The following IDH2 variants were observed in gnomAD, a reference collection of about 807,000 sequenced individuals.
IDH2 encodes isocitrate dehydrogenase (NADP(+)) 2.
Under a neutral mutation model 50.5 loss-of-function variants are expected in IDH2, and 18 were observed. The ratio of observed to expected loss-of-function variants is 0.36; its 90% CI spans 0.25 to 0.53. IDH2 has a LOEUF of 0.53. Among genes scored for constraint, IDH2 ranks in the 20% least tolerant of loss-of-function variants. The pLI is 0.92. For missense variants in IDH2, 518 were observed against 610.7 expected (o/e 0.85, Z 1.60); for synonymous variants, 280 against 239.8 (o/e 1.17, Z -1.55).
chr15:90,090,706 G>T (rs1901012864), intron 2 of IDH2, 62 bp from the exon 3 acceptor site: 1 of 1,564,194 alleles, frequency 6.4e-7, no homozygotes, highest in Non-Finnish European at 8.8e-7. Context: ...ACAACAAAGG[G>T]CAGGATAAGA....
intron 7 of IDH2, 43 bp downstream of exon 7, chr15:90,087,068 AC>A: frequency 1.2e-6 from 2 of 1,608,662 alleles, no homozygotes; most frequent in South Asian, 2.2e-5. Flanking sequence ...GCCAGAGAAG[AC>A]CAACAGTCCA....
intron 1 of IDH2, among the ~76,000 whole-genome samples, chr15:90,092,832 C>T (rs1299929097): frequency 2.0e-5 from 3 of 152,178 alleles, no homozygotes; most frequent in Non-Finnish European, 2.9e-5. Flanking sequence ...CCTGCCTTGA[C>T]CCCCGCAAAG....
In IDH2 at chr15:90,092,111, C is replaced by T. The variant is rs190461195; in HGVS notation, c.116-467G>A. On this transcript the variant is annotated intron_variant, in intron 1 of 10. Transcript: ENST00000330062. ...GCAGGAAAGCAAGCTCAGGACCCCC[C>T]GATTGTACATTATGGTGAGCTATAT... Among the ~76,000 whole-genome samples, 456 of 152,216 alleles carry T rather than the reference C, an allele frequency of 3.0e-3. 7 individuals are homozygous for T. Among genetic ancestry groups the T allele is most frequent in the Non-Finnish European group, 3.5e-3 (240 of 68,022 alleles).
At chr15:90,087,302 G>A (rs747582161) in intron 6 of IDH2, 39 bp from the exon 7 acceptor site, 1 of 1,613,920 alleles carries the variant, frequency 6.2e-7, no homozygotes, top group Non-Finnish European at 8.5e-7. Context: ...GAGGGCAGAA[G>A]GCTGACAGGT....
chr15:90,094,494 T>C (rs941618932), intron 1 of IDH2, among the ~76,000 whole-genome samples: 3 of 152,208 alleles, frequency 2.0e-5, no homozygotes, highest in African/African-American at 7.2e-5. Flanking sequence ...CAGCCTCACT[T>C]ACAGCCCAAT....
intron 3 of IDH2, among the ~76,000 whole-genome samples, chr15:90,089,662 G>C (rs1320263910): frequency 6.6e-6 from 1 of 152,206 alleles, no homozygotes; most frequent in Admixed American, 6.5e-5. Context: ...GATGTATCTC[G>C]AGTACTTTCC....
chr15:90,091,746 A>C (rs1318419808), intron 1 of IDH2, 102 bp from the exon 2 acceptor site: 29 of 951,012 alleles, frequency 3.0e-5, no homozygotes, highest in Non-Finnish European at 4.8e-5. Flanking sequence ...AGTGGCAGAA[A>C]GCCAGGGCTC....
chr15:90,090,345 C>T (rs985142177), intron 3 of IDH2, 134 bp downstream of exon 3: 6 of 952,046 alleles, frequency 6.3e-6, no homozygotes, highest in Non-Finnish European at 8.0e-6. Flanking sequence ...CTCAGGAAAG[C>T]CCCAGCTCTG....
chr15:90,087,498 G>A lies in IDH2; in HGVS notation c.756C>T (p.Asn252=), dbSNP rs752310010. Residue 252 remains asparagine, a synonymous_variant, in exon 6 of 11, where the codon AAC becomes AAT. Transcript: ENST00000330062. ...KKWPLYMSTK[N]TILKAYDGRF... ...GCCCATCGTAGGCTTTCAGTATGGT[G>A]TTCTTGGTGCTCATGTACAGCGGCC... 3.0e-5 allele frequency: 49 copies of A among 1,614,072 alleles called. No individual in the cohort carries two copies. The South Asian group carries it at 5.3e-4, about 17-fold the overall frequency.
Position 90,098,103 on chromosome 15 carries a change from C to T in IDH2, c.115+4173G>A, listed in dbSNP as rs1901227748. On this transcript the variant is annotated intron_variant, in intron 1 of 10. Transcript: ENST00000330062. The surrounding 1 kb of genome is among the most constrained non-coding windows in gnomAD (Gnocchi z 5.1). ...GACAAGCTACCTGAAATACACAGAGCAGCAGCTAGGCCTCCCTGAAAACCT... is the reference window on the plus strand; with the variant it reads ...GACAAGCTACCTGAAATACACAGAGTAGCAGCTAGGCCTCCCTGAAAACCT... Among the ~76,000 whole-genome samples, 2 of 152,208 alleles carry T rather than the reference C, an allele frequency of 1.3e-5. No individual in the cohort carries two copies. The highest frequency in any genetic ancestry group is 4.8e-5 in the African/African-American group (2 of 41,458).
intron 1 of IDH2, among the ~76,000 whole-genome samples, chr15:90,094,584 G>A (rs1901131322): frequency 6.6e-6 from 1 of 152,198 alleles, no homozygotes; most frequent in African/African-American, 2.4e-5. Context: ...AGCAAATCAG[G>A]TGAAGGGAAG....
chr15:90,091,752 G>A (rs189464801), intron 1 of IDH2, 108 bp from the exon 2 acceptor site: 1 of 894,020 alleles, frequency 1.1e-6, no homozygotes, highest in East Asian at 2.4e-5. Context: ...AGAAAGCCAG[G>A]GCTCCAGCTG....
Position 90,084,651 on chromosome 15 carries a change from G to A in IDH2, c.1271+165C>T, listed in dbSNP as rs1446767966. Among the ~76,000 whole-genome samples, 1 of 152,186 alleles carries A rather than the reference G, an allele frequency of 6.6e-6. No individual in the cohort carries two copies. Among genetic ancestry groups the A allele is most frequent in the East Asian group, 1.9e-4 (1 of 5,190 alleles). ...CTCAGGGATGGGGAGGAACTCACTA[G>A]ACCTGGTCTACAGAGGCTGGCCTGA... On this transcript the variant is annotated intron_variant, in intron 10 of 10. Transcript: ENST00000330062. This position sits in a 1 kb window ranked among gnomAD's most constrained non-coding sequence, Gnocchi z 5.0.
chr15:90,086,963 C>T (rs1030287155), intron 7 of IDH2, 149 bp downstream of exon 7: 15 of 797,692 alleles, frequency 1.9e-5, no homozygotes, highest in Non-Finnish European at 2.8e-5. Flanking sequence ...CACTCAGATG[C>T]CAGGGAGCTC....
At chr15:90,087,301 A>T in intron 6 of IDH2, 38 bp from the exon 7 acceptor site, 1 of 1,613,972 alleles carries the variant, frequency 6.2e-7, no homozygotes, top group Non-Finnish European at 8.5e-7. Flanking sequence ...AGAGGGCAGA[A>T]GGCTGACAGG....
intron 1 of IDH2, among the ~76,000 whole-genome samples, chr15:90,099,606 C>T (rs567738256): frequency 9.2e-5 from 14 of 152,248 alleles, no homozygotes; most frequent in African/African-American, 2.2e-4. Context: ...AGACATGCAC[C>T]ATCGTGCCTG....
At chr15:90,102,213 TG>T in intron 1 of IDH2, 62 bp downstream of exon 1, 1 of 692,174 alleles carries the variant, frequency 1.4e-6, no homozygotes, top group Non-Finnish European at 2.0e-6. Context: ...GGCCCCAGCC[TG>T]GGAAGCCGCC....
chr15:90,100,927 GTTGT>G lies in IDH2; in HGVS notation c.115+1345_115+1348del, dbSNP rs575579260. Among the ~76,000 whole-genome samples the G allele has an allele frequency of 3.2e-3, 388 of 123,024 alleles. 1 individual carries two copies. Among genetic ancestry groups the G allele is most frequent in the African/African-American group, 0.011 (362 of 31,774 alleles). 80.7% of individuals were successfully genotyped at this position (123,024 alleles called of 152,430 possible). On this transcript the variant is annotated intron_variant, in intron 1 of 10. Transcript: ENST00000330062. This position sits in a 1 kb window ranked among gnomAD's most constrained non-coding sequence, Gnocchi z 4.1. ...GTTCCTGTTTGTGTGTGTTTTTCGG[GTTGT>G]TTGTTTCTTTTTTTTTTTTTTACCA...
intron 1 of IDH2, among the ~76,000 whole-genome samples, chr15:90,094,897 A>T (rs1288437056): frequency 1.4e-5 from 1 of 70,360 alleles, no homozygotes; most frequent in Non-Finnish European, 3.5e-5. Context: ...ACGAGACTCC[A>T]TCTCAAAAAA....
Sources: allele counts gnomAD v4.1 joint callset (sites outside exome capture counted in the v4.1 genomes callset), GRCh38; gene constraint gnomAD v4.1.1; non-coding constraint Gnocchi (gnomAD v3.1); transcripts MANE v1.5; gene names NCBI Gene and HGNC (gene_info 2026-07-23, HGNC 2026-07-21).